The following DPYD variants were observed in gnomAD, a reference collection of about 807,000 sequenced individuals.
DPYD encodes the protein dihydropyrimidine dehydrogenase.
Under a neutral mutation model 116.2 loss-of-function variants are expected in DPYD, and 109 were observed. The ratio of observed to expected loss-of-function variants is 0.94; its 90% CI spans 0.80 to 1.10. The LOEUF (loss-of-function observed/expected upper bound fraction) is 1.10. Ranked by LOEUF, DPYD falls within the 50% of genes least tolerant of loss-of-function variation. DPYD has a pLI of 0.00. For synonymous variants in DPYD, 440 were observed against 432.0 expected, an observed-to-expected ratio of 1.02 and a Z score of -0.23; for missense variants, 1,302 against 1,254.5, an observed-to-expected ratio of 1.04 and a Z score of -0.57.
chr1:97,888,905 C>A (rs1324525426), intron 1 of DPYD, among the ~76,000 whole-genome samples: 1 of 152,104 alleles, frequency 6.6e-6, no homozygotes, highest in East Asian at 1.9e-4. Flanking sequence ...CGCCTGTAAT[C>A]CCAACACTTT....
intron 20 of DPYD, among the ~76,000 whole-genome samples, chr1:97,169,808 G>GCT: frequency 6.6e-6 from 1 of 152,158 alleles, no homozygotes; most frequent in Middle Eastern, 3.4e-3. Context: ...GCACACTTAT[G>GCT]CTCTGCCTTG....
intron 11 of DPYD, among the ~76,000 whole-genome samples, chr1:97,570,259 T>C (rs1359561872): frequency 1.3e-5 from 2 of 152,018 alleles, no homozygotes; most frequent in Non-Finnish European, 2.9e-5. Flanking sequence ...ATATTTGAGA[T>C]TTTAAAAGTA....
In DPYD at chr1:97,893,267, G is replaced by T. The variant is rs1424705656; in HGVS notation, c.40-9893C>A. On this transcript the variant is annotated intron_variant, in intron 1 of 22. Transcript: ENST00000370192. ...CAAAAAATAGAGATGTATCTCAGAG[G>T]AAACCAAATCACTGACTGAGTCATG... Among the ~76,000 whole-genome samples the T allele has an allele frequency of 2.6e-5, 4 of 151,014 alleles. No homozygotes were observed. In the East Asian group the frequency reaches 7.8e-4, roughly 30 times the overall value.
At chr1:97,688,765 A>G (rs1031075437) in intron 7 of DPYD, among the ~76,000 whole-genome samples, 10 of 152,032 alleles carry the variant, frequency 6.6e-5, no homozygotes, top group Admixed American at 3.9e-4. Flanking sequence ...TTTAATATCC[A>G]TTACATAAAT....
At chr1:97,257,499 A>G (rs1482896251) in intron 18 of DPYD, among the ~76,000 whole-genome samples, 2 of 150,442 alleles carry the variant, frequency 1.3e-5, no homozygotes, top group Non-Finnish European at 1.5e-5. Flanking sequence ...GTAAATATAC[A>G]TATACCATAT....
intron 16 of DPYD, among the ~76,000 whole-genome samples, chr1:97,314,445 T>A (rs1558021177): frequency 1.3e-5 from 2 of 151,774 alleles, no homozygotes; most frequent in Non-Finnish European, 2.9e-5. Flanking sequence ...TCCTCTGACA[T>A]TCTTAGTGTC....
intron 2 of DPYD, among the ~76,000 whole-genome samples, chr1:97,839,921 T>C (rs553674806): frequency 1.3e-5 from 2 of 152,324 alleles, no homozygotes; most frequent in Admixed American, 6.5e-5. Flanking sequence ...CCCTGGATAC[T>C]AATGAGGTGG....
At chr1:97,308,850 T>C (rs546094750) in intron 16 of DPYD, among the ~76,000 whole-genome samples, 3 of 151,958 alleles carry the variant, frequency 2.0e-5, no homozygotes, top group Non-Finnish European at 4.4e-5. Context: ...TATACAAAAG[T>C]ACTCTTATCT....
chr1:97,372,548 T>C (rs1671360068), intron 16 of DPYD, among the ~76,000 whole-genome samples: 2 of 152,206 alleles, frequency 1.3e-5, no homozygotes, highest in South Asian at 2.1e-4. Flanking sequence ...CCCTCCTTTC[T>C]TGTTGTTACA....
intron 13 of DPYD, among the ~76,000 whole-genome samples, chr1:97,459,819 A>T (rs1226220802): frequency 1.2e-4 from 18 of 152,180 alleles, no homozygotes; most frequent in Admixed American, 1.2e-3. Flanking sequence ...GAAAAAAGCA[A>T]GCTGTGTAAA....
intron 14 of DPYD, among the ~76,000 whole-genome samples, chr1:97,448,133 C>T (rs951918035): frequency 2.6e-5 from 4 of 152,074 alleles, no homozygotes; most frequent in Non-Finnish European, 2.9e-5. Flanking sequence ...AGGAGGATCA[C>T]TTGAACCTAG....
rs182677573 is a variant in DPYD, at chr1:97,149,656, A to T, written c.2622+43413T>A. On this transcript the variant is annotated intron_variant, in intron 20 of 22. Coordinates refer to ENST00000370192, the MANE Select transcript of DPYD (RefSeq NM_000110.4). Reference sequence around the variant, plus strand: ...ATTAGCTACATAATTTGGGGACCCAATGAAAAGTAAAAATCCAAGCCTCCC... The same window carrying T: ...ATTAGCTACATAATTTGGGGACCCATTGAAAAGTAAAAATCCAAGCCTCCC... Among the ~76,000 whole-genome samples the T allele has an allele frequency of 1.1e-4, 16 of 152,326 alleles. 1 individual carries two copies. In the South Asian group the frequency reaches 1.5e-3, roughly 14 times the overall value.
At chr1:97,278,525 TA>T (rs1665101530) in intron 18 of DPYD, among the ~76,000 whole-genome samples, 1 of 152,186 alleles carries the variant, frequency 6.6e-6, no homozygotes, top group Non-Finnish European at 1.5e-5. Flanking sequence ...TGCCTAGATT[TA>T]AAAAGTCACA....
chr1:97,109,587 G>C (rs1014620502), intron 20 of DPYD, among the ~76,000 whole-genome samples: 4 of 152,002 alleles, frequency 2.6e-5, no homozygotes, highest in African/African-American at 9.7e-5. Flanking sequence ...GGCTATATTT[G>C]GAGCAAGACT....
chr1:97,127,626 T>A (rs1452454972), intron 20 of DPYD, among the ~76,000 whole-genome samples: 1 of 152,184 alleles, frequency 6.6e-6, no homozygotes, highest in Admixed American at 6.5e-5. Flanking sequence ...TTAAGCTCTA[T>A]TACTTACATC....
chr1:97,663,744 G>A (rs1008463998), intron 8 of DPYD, among the ~76,000 whole-genome samples: 3 of 152,174 alleles, frequency 2.0e-5, no homozygotes, highest in African/African-American at 4.8e-5. Context: ...GTCCTGGTTT[G>A]TGTTTGTCCC....
chr1:97,693,314 AAAACCAAAAAAG>A, intron 6 of DPYD, among the ~76,000 whole-genome samples: 1 of 126,436 alleles, frequency 7.9e-6, no homozygotes, highest in Non-Finnish European at 1.8e-5. Flanking sequence ...AAAAAAAAAA[AAAACCAAAAAAG>A]AAAATGCAAG....
At chr1:97,345,153 G>T (rs1669778864) in intron 16 of DPYD, among the ~76,000 whole-genome samples, 1 of 151,742 alleles carries the variant, frequency 6.6e-6, no homozygotes, top group Non-Finnish European at 1.5e-5. Flanking sequence ...AATCTGAATT[G>T]TTTGTCATTT....
intron 14 of DPYD, among the ~76,000 whole-genome samples, chr1:97,410,028 T>G (rs1673889472): frequency 6.6e-6 from 1 of 151,304 alleles, no homozygotes; most frequent in Non-Finnish European, 1.5e-5. Context: ...ATGGCTCCAC[T>G]GCACTCCAGC....
Sources: allele counts gnomAD v4.1 joint callset (sites outside exome capture counted in the v4.1 genomes callset), GRCh38; gene constraint gnomAD v4.1.1; transcripts MANE v1.5; gene names NCBI Gene and HGNC (gene_info 2026-07-23, HGNC 2026-07-21).